Variants in CNTNAP5 observed in about 807,000 individuals in gnomAD.
CNTNAP5 encodes contactin associated protein family member 5.
A neutral mutation model predicts 150.2 loss-of-function variants in CNTNAP5; 72 were observed. The ratio of observed to expected loss-of-function variants is 0.48; its 90% confidence interval spans 0.40 to 0.58. The LOEUF (loss-of-function observed/expected upper bound fraction) is 0.58. Among genes scored for constraint, CNTNAP5 ranks in the 20% least tolerant of loss-of-function variants. The pLI, the probability that CNTNAP5 is intolerant of heterozygous loss-of-function variation, is 0.00. For missense variants in CNTNAP5, 1,636 were observed against 1,626.2 expected, an observed-to-expected ratio of 1.01 and a Z score of -0.10; for synonymous variants, 672 against 619.8, an observed-to-expected ratio of 1.08 and a Z score of -1.25.
At chr2:124,630,095 A>G (rs1677818721) in intron 12 of CNTNAP5, among the ~76,000 whole-genome samples, 1 of 152,062 alleles carries the variant, frequency 6.6e-6, no homozygotes, top group Non-Finnish European at 1.5e-5. Flanking sequence ...CAACCAAAAA[A>G]AAAAGAATCC....
At chr2:124,789,850 G>T in intron 17 of CNTNAP5, 52 bp from the exon 18 acceptor site, 1 of 1,566,294 alleles carries the variant, frequency 6.4e-7, no homozygotes, top group South Asian at 1.2e-5. Flanking sequence ...AAACCTAAAT[G>T]TATTGAGCCC....
chr2:124,832,065 T>C (rs1451766714), intron 19 of CNTNAP5, among the ~76,000 whole-genome samples: 1 of 152,094 alleles, frequency 6.6e-6, no homozygotes. Flanking sequence ...TCTTTCTGTT[T>C]TGGGCTGAGT....
chr2:124,420,912 A>G (rs1262500157), intron 4 of CNTNAP5, among the ~76,000 whole-genome samples: 4 of 152,224 alleles, frequency 2.6e-5, no homozygotes, highest in Admixed American at 2.0e-4. Flanking sequence ...AGAATGTTCT[A>G]GAGAAACTAC....
intron 13 of CNTNAP5, among the ~76,000 whole-genome samples, chr2:124,666,810 G>T (rs1196015864): frequency 6.6e-6 from 1 of 152,124 alleles, no homozygotes; most frequent in East Asian, 1.9e-4. Flanking sequence ...GAGCCATCCT[G>T]CAGGGAGCGC....
intron 3 of CNTNAP5, among the ~76,000 whole-genome samples, chr2:124,280,054 A>G (rs1318061242): frequency 2.0e-5 from 3 of 152,122 alleles, no homozygotes; most frequent in Non-Finnish European, 4.4e-5. Context: ...CAACTATATC[A>G]GAAAATTCCT....
rs1441888082 is a variant in CNTNAP5, at chr2:124,515,467, A to G, written c.1328-8836A>G. Among the ~76,000 whole-genome samples, 5 of 152,222 alleles carry G rather than the reference A, an allele frequency of 3.3e-5. No individual in the cohort carries two copies. The South Asian group carries it at 1.0e-3, about 32-fold the overall frequency. On this transcript the variant is annotated intron_variant, in intron 8 of 23. Transcript: ENST00000682447. ...AATTTAGAAAGAGAAATCACCCTGC[A>G]CTATTCTAGTCAAGGAAAACCTGCT...
At chr2:124,288,921 T>TGTAG (rs1341811280) in intron 3 of CNTNAP5, among the ~76,000 whole-genome samples, 1 of 152,212 alleles carries the variant, frequency 6.6e-6, no homozygotes, top group Non-Finnish European at 1.5e-5. Context: ...TGGCTATGAA[T>TGTAG]GTAGTAGAAG....
At chr2:124,781,092 CT>C (rs1681440139) in intron 17 of CNTNAP5, among the ~76,000 whole-genome samples, 1 of 152,188 alleles carries the variant, frequency 6.6e-6, no homozygotes, top group African/African-American at 2.4e-5. Context: ...ACTTGCTTTT[CT>C]TTGTCCTTCA....
At chr2:124,317,048 T>C (rs183759235) in intron 3 of CNTNAP5, among the ~76,000 whole-genome samples, 1 of 152,096 alleles carries the variant, frequency 6.6e-6, no homozygotes, top group Non-Finnish European at 1.5e-5. Flanking sequence ...CAGTGGGTGC[T>C]ATGCAGCAAC....
chr2:124,062,201 C>T (rs1322972978), intron 1 of CNTNAP5, among the ~76,000 whole-genome samples: 1 of 152,146 alleles, frequency 6.6e-6, no homozygotes, highest in East Asian at 1.9e-4. Flanking sequence ...AAACCTTTGT[C>T]CTACATGCAA....
At chr2:124,209,925 C>T (rs147558581) in intron 1 of CNTNAP5, among the ~76,000 whole-genome samples, 95 of 152,178 alleles carry the variant, frequency 6.2e-4, no homozygotes, top group African/African-American at 2.1e-3. Flanking sequence ...AGGTGATGTG[C>T]GGGCATTCAA....
intron 3 of CNTNAP5, among the ~76,000 whole-genome samples, chr2:124,289,565 A>C (rs1368883066): frequency 6.6e-6 from 1 of 152,240 alleles, no homozygotes; most frequent in Non-Finnish European, 1.5e-5. Flanking sequence ...GAAACGTAAT[A>C]AAATGAAATC....
chr2:124,562,765 A>AATAGAT (rs1695923696), intron 10 of CNTNAP5, among the ~76,000 whole-genome samples: 1 of 152,236 alleles, frequency 6.6e-6, no homozygotes, highest in South Asian at 2.1e-4. Context: ...TGCAGTTTAA[A>AATAGAT]ATAGATACCT....
At chr2:124,356,048 T>TAA (rs1173889257) in intron 3 of CNTNAP5, among the ~76,000 whole-genome samples, 1 of 152,206 alleles carries the variant, frequency 6.6e-6, no homozygotes, top group Non-Finnish European at 1.5e-5. Flanking sequence ...AAAATATAGT[T>TAA]AAAAACATTT....
chr2:124,569,340 A>G (rs1696100794), intron 11 of CNTNAP5, among the ~76,000 whole-genome samples: 1 of 152,102 alleles, frequency 6.6e-6, no homozygotes, highest in Non-Finnish European at 1.5e-5. Context: ...ATTATTATTG[A>G]CCCTCATTGT....
At chr2:124,359,918 CA>C (rs1690148313) in intron 3 of CNTNAP5, among the ~76,000 whole-genome samples, 2 of 49,768 alleles carry the variant, frequency 4.0e-5, no homozygotes, top group Middle Eastern at 0.011. Context: ...TAAAGTCTCC[CA>C]TTATTAATGT....
intron 3 of CNTNAP5, among the ~76,000 whole-genome samples, chr2:124,340,809 GTA>G (rs138288829): frequency 0.22 from 31,995 of 142,696 alleles, 3,645 homozygotes; most frequent in Middle Eastern, 0.3. Flanking sequence ...ATGTATACAT[GTA>G]TATATATATA....
chr2:124,723,657 G>A (rs1246350840), intron 13 of CNTNAP5, among the ~76,000 whole-genome samples: 1 of 152,068 alleles, frequency 6.6e-6, no homozygotes, highest in Admixed American at 6.6e-5. Context: ...CAGGATCAAG[G>A]TGTCAGCAGG....
chr2:124,611,579 G>A (rs990302166), intron 12 of CNTNAP5, among the ~76,000 whole-genome samples: 1 of 151,988 alleles, frequency 6.6e-6, no homozygotes, highest in African/African-American at 2.4e-5. Context: ...AGTGGATCTC[G>A]GTTATTTTAA....
Sources: gnomAD v4.1 joint callset for allele counts (sites outside exome capture counted in the v4.1 genomes callset) on GRCh38, gnomAD v4.1.1 for gene constraint, MANE v1.5 for transcripts, NCBI Gene and HGNC (gene_info 2026-07-23, HGNC 2026-07-21) for gene names.